The following RSU1 variants were observed in gnomAD, a reference collection of about 807,000 sequenced individuals.
RSU1 encodes Ras suppressor protein 1.
A neutral mutation model predicts 31.1 loss-of-function variants in RSU1; 26 were observed. The observed-to-expected ratio is 0.84, with a 90% CI of 0.61 to 1.16. RSU1 has a LOEUF of 1.16. Among genes scored for constraint, RSU1 ranks in the 50% most tolerant of loss-of-function variants. The probability of loss-of-function intolerance (pLI) is 0.00; values close to 1 mark genes in which losing one functional copy is unlikely to be tolerated. For synonymous variants in RSU1, 164 were observed against 136.3 expected (o/e 1.20, Z -1.41); for missense variants, 320 against 339.1 (o/e 0.94, Z 0.44).
chr10:16,814,451 G>GGA (rs1554777362), intron 2 of RSU1, among the ~76,000 whole-genome samples: 8 of 121,182 alleles, frequency 6.6e-5, no homozygotes, highest in African/African-American at 2.7e-4. Context: ...CTGTTTTCAG[G>GGA]AAAAAAAAAA....
At chr10:16,702,810 A>T (rs1025841824) in intron 7 of RSU1, among the ~76,000 whole-genome samples, 2 of 152,178 alleles carry the variant, frequency 1.3e-5, no homozygotes, top group Non-Finnish European at 2.9e-5. Flanking sequence ...GGAAGGCATG[A>T]TTATATTTTG....
At position 16,722,654 on chromosome 10, in the gene RSU1, T is replaced by A. The variant is rs200132861; in HGVS notation, c.599-27499A>T. ...AAGTTAAGGATATTATGGGTCTACA[T>A]AGCATTTACAGAAGGGCCAAATAGA... On this transcript the variant is annotated intron_variant, in intron 7 of 8. Coordinates refer to ENST00000345264, the MANE Select transcript of RSU1 (RefSeq NM_012425.4). Among the ~76,000 whole-genome samples, 28 of 152,214 alleles carry A rather than the reference T, an allele frequency of 1.8e-4. No homozygotes were observed. In the East Asian group the frequency reaches 5.0e-3, roughly 27 times the overall value.
chr10:16,675,728 T>A lies in RSU1; in HGVS notation c.731+19295A>T, dbSNP rs1349907458. Among the ~76,000 whole-genome samples, 3 of 152,150 alleles carry A rather than the reference T, an allele frequency of 2.0e-5. No homozygotes were observed. In the East Asian group the frequency reaches 5.8e-4, roughly 29 times the overall value. The stretch of plus-strand genomic sequence containing the variant: ...AAAAGATAGAAGTAAATGGAGAACA[T>A]CAACATGAACGCGTGCTCCTTTGAG... On this transcript the variant is annotated intron_variant, in intron 8 of 8. Transcript: ENST00000345264.
chr10:16,706,363 A>AT (rs1474185659), intron 7 of RSU1, among the ~76,000 whole-genome samples: 1 of 152,014 alleles, frequency 6.6e-6, no homozygotes, highest in African/African-American at 2.4e-5. Flanking sequence ...GATGTTGAAC[A>AT]TTTTTTCATG....
At chr10:16,795,353 CAAAAAAAA>C (rs532677802) in intron 2 of RSU1, among the ~76,000 whole-genome samples, 1 of 75,240 alleles carries the variant, frequency 1.3e-5, no homozygotes, top group Non-Finnish European at 2.7e-5. Context: ...GACTCCATCT[CAAAAAAAA>C]AAAAAAAAAA....
intron 2 of RSU1, among the ~76,000 whole-genome samples, chr10:16,809,915 A>T (rs1838366527): frequency 1.3e-5 from 2 of 151,570 alleles, no homozygotes; most frequent in African/African-American, 2.4e-5. Flanking sequence ...ATTTCTCAGT[A>T]GATAATTTTA....
chr10:16,797,582 C>G (rs1419968552), intron 2 of RSU1, among the ~76,000 whole-genome samples: 5 of 152,066 alleles, frequency 3.3e-5, no homozygotes, highest in African/African-American at 4.8e-5. Flanking sequence ...CATGAAAACT[C>G]ACTAACCAAA....
chr10:16,674,808 G>A (rs1384250633), intron 8 of RSU1, among the ~76,000 whole-genome samples: 2 of 152,178 alleles, frequency 1.3e-5, no homozygotes, highest in Non-Finnish European at 2.9e-5. Flanking sequence ...GAGGTGGGCA[G>A]ATCACTTGAG....
chr10:16,619,185 C>T (rs1256490990), intron 8 of RSU1, among the ~76,000 whole-genome samples: 1 of 152,206 alleles, frequency 6.6e-6, no homozygotes, highest in Non-Finnish European at 1.5e-5. Flanking sequence ...TGGAAGCCTG[C>T]TTCAGAAAAA....
intron 8 of RSU1, among the ~76,000 whole-genome samples, chr10:16,663,871 G>A (rs1211971135): frequency 1.3e-5 from 2 of 152,170 alleles, no homozygotes; most frequent in Non-Finnish European, 2.9e-5. Flanking sequence ...CTGCCCTTTG[G>A]TGACAGGTGG....
intron 7 of RSU1, among the ~76,000 whole-genome samples, chr10:16,752,335 A>G (rs934027702): frequency 2.0e-5 from 3 of 152,196 alleles, no homozygotes; most frequent in African/African-American, 7.2e-5. Flanking sequence ...AGGGGACACT[A>G]CAGCTGCAGA....
At chr10:16,761,627 C>A (rs778408257) in intron 4 of RSU1, among the ~76,000 whole-genome samples, 2 of 152,044 alleles carry the variant, frequency 1.3e-5, no homozygotes, top group African/African-American at 4.8e-5. Context: ...GAGGCCGAGG[C>A]GGGTGGATCA....
At chr10:16,626,495 TA>T (rs1287238586) in intron 8 of RSU1, among the ~76,000 whole-genome samples, 1 of 152,148 alleles carries the variant, frequency 6.6e-6, no homozygotes, top group African/African-American at 2.4e-5. Context: ...AGCACAATTC[TA>T]AAAAATGATC....
chr10:16,660,218 C>T (rs1342931782), intron 8 of RSU1, among the ~76,000 whole-genome samples: 1 of 152,204 alleles, frequency 6.6e-6, no homozygotes, highest in East Asian at 1.9e-4. Flanking sequence ...GCTTCCGAAG[C>T]TCAGGTGTCT....
At chr10:16,707,932 T>C (rs1339263440) in intron 7 of RSU1, among the ~76,000 whole-genome samples, 6 of 152,176 alleles carry the variant, frequency 3.9e-5, no homozygotes, top group African/African-American at 1.2e-4. Flanking sequence ...CTTTTGCATG[T>C]TGATATCCAA....
chr10:16,648,979 T>C (rs1456946597), intron 8 of RSU1, among the ~76,000 whole-genome samples: 2 of 152,156 alleles, frequency 1.3e-5, no homozygotes, highest in African/African-American at 4.8e-5. Context: ...CTTTCCTCTT[T>C]CCAGTAGATA....
intron 8 of RSU1, among the ~76,000 whole-genome samples, chr10:16,640,319 C>G (rs1327451256): frequency 6.6e-6 from 1 of 152,094 alleles, no homozygotes; most frequent in Non-Finnish European, 1.5e-5. Flanking sequence ...CTGCCAAATT[C>G]TCAACCCTAA....
chr10:16,733,667 C>A (rs1238958250), intron 7 of RSU1, among the ~76,000 whole-genome samples: 4 of 151,904 alleles, frequency 2.6e-5, no homozygotes, highest in Non-Finnish European at 2.9e-5. Flanking sequence ...TAACACGGAC[C>A]CAAAAATTTT....
rs184717682 is a variant in RSU1 at position 16,754,825 on chromosome 10, G to C, written c.400+46C>G. On this transcript the variant is annotated intron_variant, in intron 5 of 8. Transcript: ENST00000345264. Reference sequence around the variant, plus strand: ...GGCAAATAAATTTCCCTCTCAGAACGCAAAGTACAAGGTTGAGGAGATTTA... The same window carrying C: ...GGCAAATAAATTTCCCTCTCAGAACCCAAAGTACAAGGTTGAGGAGATTTA... 12 of 1,166,470 alleles carry C rather than the reference G, an allele frequency of 1.0e-5. 1 individual carries two copies. In the South Asian group the frequency reaches 1.5e-4, roughly 15 times the overall value. 72.3% of individuals were successfully genotyped at this position (1,166,470 alleles called of 1,614,324 possible).
Sources: gnomAD v4.1 joint callset for allele counts (sites outside exome capture counted in the v4.1 genomes callset) on GRCh38, gnomAD v4.1.1 for gene constraint, MANE v1.5 for transcripts, NCBI Gene and HGNC (gene_info 2026-07-23, HGNC 2026-07-21) for gene names.